The following RNF150 variants were observed in gnomAD, a reference collection of about 807,000 sequenced individuals.
The protein encoded by RNF150 is ring finger protein 150.
A neutral mutation model predicts 39.3 loss-of-function variants in RNF150; 24 were observed. The ratio of observed to expected loss-of-function variants is 0.61; its 90% CI spans 0.44 to 0.86. RNF150 has a LOEUF of 0.86. RNF150 is among the 40% of genes least tolerant of loss of function. The pLI, the probability that RNF150 is intolerant of heterozygous loss-of-function variation, is 0.00. For synonymous variants in RNF150, 255 were observed against 227.3 expected (o/e 1.12, Z -1.10); for missense variants, 502 against 587.8 (o/e 0.85, Z 1.51).
chr4:141,068,651 G>A (rs545953508), intron 1 of RNF150, among the ~76,000 whole-genome samples: 13 of 151,438 alleles, frequency 8.6e-5, no homozygotes, highest in African/African-American at 2.7e-4. Flanking sequence ...ACCTTGGGCA[G>A]TATGGCCATT....
intron 6 of RNF150, among the ~76,000 whole-genome samples, chr4:140,880,547 C>CT (rs879657754): frequency 0.011 from 1,550 of 136,834 alleles, 21 homozygotes; most frequent in African/African-American, 0.029. Flanking sequence ...CCTCTCCAGT[C>CT]TTTTTTTTTT....
intron 1 of RNF150, among the ~76,000 whole-genome samples, chr4:141,102,885 C>T (rs1005045688): frequency 6.6e-6 from 1 of 152,170 alleles, no homozygotes; most frequent in Non-Finnish European, 1.5e-5. Context: ...CGTGGGTCTT[C>T]ACTAGGTATT....
intron 1 of RNF150, among the ~76,000 whole-genome samples, chr4:141,125,319 A>G (rs547463022): frequency 1.3e-5 from 2 of 152,336 alleles, no homozygotes; most frequent in African/African-American, 4.8e-5. Flanking sequence ...TAGAAGAATT[A>G]CACAGCACAA....
At chr4:140,988,837 G>A (rs895145982) in intron 1 of RNF150, among the ~76,000 whole-genome samples, 10 of 152,068 alleles carry the variant, frequency 6.6e-5, no homozygotes, top group African/African-American at 2.4e-4. Context: ...AAAATGATGA[G>A]TTCATGTCCT....
chr4:141,153,016 A>G (rs1277543177), intron 1 of RNF150, among the ~76,000 whole-genome samples: 1 of 152,200 alleles, frequency 6.6e-6, no homozygotes, highest in African/African-American at 2.4e-5. Flanking sequence ...CCAGAAGGGT[A>G]TTCCCAGGAA....
intron 1 of RNF150, among the ~76,000 whole-genome samples, chr4:141,160,436 A>G (rs1232324063): frequency 6.6e-6 from 1 of 152,224 alleles, no homozygotes; most frequent in African/African-American, 2.4e-5. Flanking sequence ...CTTTGTATAA[A>G]GTGTCTTTGC....
At chr4:140,947,169 T>C (rs973740175) in intron 4 of RNF150, among the ~76,000 whole-genome samples, 5 of 151,534 alleles carry the variant, frequency 3.3e-5, no homozygotes, top group Non-Finnish European at 5.9e-5. Flanking sequence ...TTTCTGTTAG[T>C]TTAAAAAAAA....
In RNF150 at chr4:140,911,343, G is replaced by C. The variant is rs368211428; in HGVS notation, c.999C>G (p.Asp333Glu). ...AGTCAGTGGGCAAGTCGTCCATGCAGTCGGCATTGGGCTGATGGGGCAGAA... is the reference window on the plus strand; with the variant it reads ...AGTCAGTGGGCAAGTCGTCCATGCACTCGGCATTGGGCTGATGGGGCAGAA... ...LKALGIPPNA[D>E]CMDDLPTDFE... The change falls in exon 6 of 7, where the codon GAC becomes GAG. Residue 333 changes from aspartate to glutamate, a missense_variant. Physicochemically the swap from Asp to Glu is conservative, Grantham distance 45. Coordinates refer to ENST00000515673, the MANE Select transcript of RNF150 (RefSeq NM_020724.2). 35 of 1,614,156 alleles carry C rather than the reference G, an allele frequency of 2.2e-5. No homozygotes were observed. Among genetic ancestry groups the C allele is most frequent in the Non-Finnish European group, 1.2e-5 (14 of 1,180,004 alleles).
At chr4:141,156,604 T>C (rs1184680125) in intron 1 of RNF150, among the ~76,000 whole-genome samples, 1 of 151,900 alleles carries the variant, frequency 6.6e-6, no homozygotes, top group Non-Finnish European at 1.5e-5. Context: ...ATTAAAAATA[T>C]TTGTGCAGGC....
intron 1 of RNF150, among the ~76,000 whole-genome samples, chr4:141,044,768 A>AGC (rs1190361085): frequency 3.2e-4 from 28 of 86,854 alleles, no homozygotes; most frequent in South Asian, 2.1e-3. Flanking sequence ...GCGGGTGTGC[A>AGC]GCGCACACAC....
At chr4:140,920,345 AAAAC>A (rs558338388) in intron 5 of RNF150, among the ~76,000 whole-genome samples, 70 of 103,978 alleles carry the variant, frequency 6.7e-4, no homozygotes, top group African/African-American at 2.1e-3. Flanking sequence ...TTACAAGAAA[AAAAC>A]AAACAACCCC....
chr4:141,038,739 A>G (rs1261715940), intron 1 of RNF150, among the ~76,000 whole-genome samples: 1 of 152,194 alleles, frequency 6.6e-6, no homozygotes, highest in Non-Finnish European at 1.5e-5. Flanking sequence ...CAAGAACAGA[A>G]TTACTTGAAC....
chr4:141,078,265 G>T (rs1174394148), intron 1 of RNF150, among the ~76,000 whole-genome samples: 1 of 152,122 alleles, frequency 6.6e-6, no homozygotes, highest in African/African-American at 2.4e-5. Context: ...GGCCAACAGG[G>T]ACTTCAATGA....
At chr4:141,066,710 T>G (rs570200406) in intron 1 of RNF150, among the ~76,000 whole-genome samples, 1 of 152,368 alleles carries the variant, frequency 6.6e-6, no homozygotes, top group South Asian at 2.1e-4. Flanking sequence ...TGTAGCCTGT[T>G]TGGTTGACTA....
At chr4:140,935,548 A>G (rs1578983610) in intron 4 of RNF150, among the ~76,000 whole-genome samples, 1 of 151,876 alleles carries the variant, frequency 6.6e-6, no homozygotes, top group Non-Finnish European at 1.5e-5. Context: ...TTGAAAAACA[A>G]CATCATTTAC....
At chr4:141,013,520 G>A (rs146994577) in intron 1 of RNF150, among the ~76,000 whole-genome samples, 2 of 152,282 alleles carry the variant, frequency 1.3e-5, no homozygotes, top group Non-Finnish European at 2.9e-5. Flanking sequence ...ATTCCAAAGA[G>A]TGGCTCTTCT....
rs5862514 is a variant in RNF150 at position 141,177,054 on chromosome 4, G to GAAA, written c.-6+35737_-6+35739dup. Among the ~76,000 whole-genome samples the GAAA allele has an allele frequency of 9.4e-4, 105 of 111,684 alleles. 1 individual carries two copies. The highest frequency in any genetic ancestry group is 1.6e-3 in the Non-Finnish European group (88 of 56,204). The allele number at this position is 111,684 out of a possible 152,430, so 73.3% of individuals were successfully genotyped here. Reference sequence around the variant, plus strand: ...AACATAACAAGACCCTGTCTCCTAGGAAAAAAAAAAAAAAAAAAAACAAAG... The same window carrying GAAA: ...AACATAACAAGACCCTGTCTCCTAGGAAAAAAAAAAAAAAAAAAAAAAACAAAG... On this transcript the variant is annotated intron_variant, in intron 1 of 7. Coordinates refer to the RNF150 transcript ENST00000420921.
At chr4:141,089,270 A>C (rs964682355) in intron 1 of RNF150, among the ~76,000 whole-genome samples, 2 of 152,188 alleles carry the variant, frequency 1.3e-5, no homozygotes, top group East Asian at 3.8e-4. Context: ...ATCAAGAGAT[A>C]ATAGGTAGGA....
chr4:141,097,636 G>A (rs940699443), intron 1 of RNF150, among the ~76,000 whole-genome samples: 1 of 151,594 alleles, frequency 6.6e-6, no homozygotes, highest in Non-Finnish European at 1.5e-5. Context: ...ATCATTGCCA[G>A]TTTTATGTAA....
Sources: allele counts gnomAD v4.1 joint callset (sites outside exome capture counted in the v4.1 genomes callset), GRCh38; gene constraint gnomAD v4.1.1; transcripts MANE v1.5; gene names NCBI Gene and HGNC (gene_info 2026-07-23, HGNC 2026-07-21).